RASAL2: variants seen among roughly 807,000 people sequenced by gnomAD.
RASAL2 encodes the protein RAS protein activator like 2.
RASAL2 carries 58 observed loss-of-function variants against 128.9 expected under a neutral mutation model. The ratio of observed to expected loss-of-function variants is 0.45; its 90% CI spans 0.36 to 0.56. The LOEUF is 0.56. Among genes scored for constraint, RASAL2 ranks in the 20% least tolerant of loss-of-function variants. The probability of loss-of-function intolerance (pLI) is 0.00; values close to 1 mark genes in which losing one functional copy is unlikely to be tolerated. For synonymous variants in RASAL2, 561 were observed against 580.8 expected (o/e 0.97, Z 0.49); for missense variants, 1,360 against 1,601.6 (o/e 0.85, Z 2.57).
intron 1 of RASAL2, among the ~76,000 whole-genome samples, chr1:178,160,061 C>CT (rs932032437): frequency 2.1e-4 from 31 of 144,804 alleles, no homozygotes; most frequent in African/African-American, 3.5e-4. Flanking sequence ...TTCTTTCTTT[C>CT]TTTTTTTTTT....
Position 178,176,929 on chromosome 1 carries a change from C to T in RASAL2, c.202+82235C>T, listed in dbSNP as rs547765871. On this transcript the variant is annotated intron_variant, in intron 1 of 17. Coordinates refer to ENST00000367649, the MANE Select transcript of RASAL2 (RefSeq NM_170692.4). ...CCTCCCAAAGAGCTGGGATTACAGG[C>T]GTGAGCACCATGCCTGGCTATCAGG... Among the ~76,000 whole-genome samples the T allele has an allele frequency of 3.9e-5, 6 of 152,110 alleles. No homozygotes were observed. The East Asian group carries it at 5.8e-4, about 15-fold the overall frequency.
intron 3 of RASAL2, among the ~76,000 whole-genome samples, chr1:178,308,471 T>TA (rs1490117073): frequency 6.6e-6 from 1 of 150,654 alleles, no homozygotes; most frequent in South Asian, 2.1e-4. Context: ...AGGGTATTTA[T>TA]AAAAATATTA....
chr1:178,315,107 A>G (rs1341161731), intron 3 of RASAL2, among the ~76,000 whole-genome samples: 1 of 141,106 alleles, frequency 7.1e-6, no homozygotes, highest in Admixed American at 7.2e-5. Flanking sequence ...TGTCCCTACA[A>G]AGGACATGAA....
intron 3 of RASAL2, among the ~76,000 whole-genome samples, chr1:178,342,104 G>A (rs1669913751): frequency 6.6e-6 from 1 of 152,194 alleles, no homozygotes; most frequent in Admixed American, 6.5e-5. Flanking sequence ...ATAGACAGCA[G>A]TAAGAGCATT....
In RASAL2 at chr1:178,420,560, A is replaced by G. The variant is rs1557975496; in HGVS notation, c.614A>G (p.Gln205Arg). The G allele has an allele frequency of 1.2e-6, 2 of 1,613,432 alleles. No individual in the cohort carries two copies. The highest frequency in any genetic ancestry group is 2.7e-5 in the African/African-American group (2 of 75,032). ...GGCTCCATCAAGAGGACCAAAAGCC[A>G]GTCAAAGCTTGACAGAAACACGAGC... ...LKGSIKRTKS[Q>R]SKLDRNTSFR... The change falls in exon 5 of 18, where the codon CAG becomes CGG. Residue 205 changes from glutamine (Q) to arginine (R), a missense_variant. Gln to Arg is a conservative substitution (Grantham distance 43, BLOSUM62 1). Coordinates refer to ENST00000367649, the MANE Select transcript of RASAL2 (RefSeq NM_170692.4).
At chr1:178,200,173 G>A (rs1416013005) in intron 1 of RASAL2, among the ~76,000 whole-genome samples, 2 of 152,066 alleles carry the variant, frequency 1.3e-5, no homozygotes, top group Admixed American at 1.3e-4. Flanking sequence ...TACAAATTTT[G>A]GTACCAAGAG....
At chr1:178,296,874 G>A (rs887716507) in intron 2 of RASAL2, among the ~76,000 whole-genome samples, 2 of 151,692 alleles carry the variant, frequency 1.3e-5, no homozygotes, top group Non-Finnish European at 2.9e-5. Flanking sequence ...GTTTCACCAT[G>A]TTGGTCAGGC....
chr1:178,175,869 G>T (rs1372652958), intron 1 of RASAL2, among the ~76,000 whole-genome samples: 3 of 152,104 alleles, frequency 2.0e-5, no homozygotes, highest in Non-Finnish European at 2.9e-5. Context: ...TGTTGCAAAA[G>T]ACATTATTTT....
intron 1 of RASAL2, among the ~76,000 whole-genome samples, chr1:178,171,729 G>T (rs1454711537): frequency 6.6e-6 from 1 of 151,886 alleles, no homozygotes. Flanking sequence ...AGAGATTTAA[G>T]ACTAAAGTGT....
chr1:178,305,332 A>G (rs1323311981), intron 3 of RASAL2, among the ~76,000 whole-genome samples: 1 of 152,200 alleles, frequency 6.6e-6, no homozygotes, highest in East Asian at 1.9e-4. Context: ...AAAGACCCTG[A>G]ATAGCCAAAG....
At chr1:178,373,512 A>G (rs1387362897) in intron 3 of RASAL2, among the ~76,000 whole-genome samples, 2 of 151,954 alleles carry the variant, frequency 1.3e-5, no homozygotes, top group African/African-American at 4.8e-5. Flanking sequence ...ATAGAGAAAC[A>G]TCAGTGAAGA....
chr1:178,381,588 G>A (rs1672291347), intron 3 of RASAL2, among the ~76,000 whole-genome samples: 1 of 151,708 alleles, frequency 6.6e-6, no homozygotes, highest in Non-Finnish European at 1.5e-5. Flanking sequence ...TTACATATTT[G>A]TATGTTTTCT....
chr1:178,120,646 A>C (rs1659684763), intron 1 of RASAL2, among the ~76,000 whole-genome samples: 1 of 152,184 alleles, frequency 6.6e-6, no homozygotes, highest in Non-Finnish European at 1.5e-5. Flanking sequence ...TGAGTCTGCA[A>C]GCAATTGATT....
intron 1 of RASAL2, among the ~76,000 whole-genome samples, chr1:178,272,809 T>A (rs1157251332): frequency 2.0e-5 from 3 of 152,056 alleles, no homozygotes; most frequent in Non-Finnish European, 4.4e-5. Context: ...ATGCCTGTAG[T>A]CCCAGCTACT....
intron 1 of RASAL2, among the ~76,000 whole-genome samples, chr1:178,197,029 C>A (rs1662679729): frequency 6.6e-6 from 1 of 152,172 alleles, no homozygotes; most frequent in Non-Finnish European, 1.5e-5. Context: ...ATTAAACATG[C>A]TAAGCCAGGC....
intron 12 of RASAL2, 61 bp downstream of exon 12, chr1:178,454,709 T>G (rs1677642200): frequency 2.8e-6 from 4 of 1,423,606 alleles, no homozygotes; most frequent in Non-Finnish European, 3.9e-6. Context: ...AAAGTAACTA[T>G]AGAGTGATAG....
At chr1:178,180,141 A>G (rs1662038578) in intron 1 of RASAL2, among the ~76,000 whole-genome samples, 2 of 152,168 alleles carry the variant, frequency 1.3e-5, no homozygotes, top group Non-Finnish European at 2.9e-5. Flanking sequence ...TTCAGATTAA[A>G]AAGTCTTTCC....
At chr1:178,101,189 A>G (rs35074357) in intron 1 of RASAL2, among the ~76,000 whole-genome samples, 24 of 152,204 alleles carry the variant, frequency 1.6e-4, no homozygotes, top group Non-Finnish European at 5.9e-5. Flanking sequence ...TAGTGAGTAT[A>G]CAGTAAACAA....
intron 4 of RASAL2, among the ~76,000 whole-genome samples, chr1:178,395,887 T>C (rs1024755079): frequency 2.0e-5 from 3 of 151,342 alleles, no homozygotes; most frequent in Non-Finnish European, 4.4e-5. Flanking sequence ...ATAGCAATCA[T>C]GGGTATGTCA....
Sources: allele counts gnomAD v4.1 joint callset (sites outside exome capture counted in the v4.1 genomes callset), GRCh38; gene constraint gnomAD v4.1.1; transcripts MANE v1.5; gene names NCBI Gene and HGNC (gene_info 2026-07-23, HGNC 2026-07-21).